The following DCLK2 variants were observed in gnomAD, a reference collection of about 807,000 sequenced individuals.
DCLK2 encodes doublecortin like kinase 2, also known as serine/threonine-protein kinase DCLK2.
Under a neutral mutation model 78.4 loss-of-function variants are expected in DCLK2, and 31 were observed. The ratio of observed to expected loss-of-function variants is 0.40; its 90% CI spans 0.30 to 0.53. DCLK2 has a LOEUF of 0.53. Among genes scored for constraint, DCLK2 ranks in the 20% least tolerant of loss-of-function variants. DCLK2 has a pLI of 0.61. For synonymous variants in DCLK2, 407 were observed against 374.9 expected (o/e 1.09, Z -0.99); for missense variants, 872 against 973.7 (o/e 0.90, Z 1.39).
At chr4:150,098,431 A>G (rs1363019071) in intron 1 of DCLK2, among the ~76,000 whole-genome samples, 5 of 152,246 alleles carry the variant, frequency 3.3e-5, no homozygotes, top group African/African-American at 4.8e-5. Flanking sequence ...AAGTCTAGCT[A>G]TGAGTCAGCC....
intron 5 of DCLK2, among the ~76,000 whole-genome samples, chr4:150,219,047 T>C (rs546219839): frequency 1.1e-4 from 16 of 151,584 alleles, no homozygotes; most frequent in Non-Finnish European, 1.9e-4. Flanking sequence ...CTACGAAAAA[T>C]GCAAAAATTA....
chr4:150,123,889 AAGT>A (rs1349358193), intron 2 of DCLK2, among the ~76,000 whole-genome samples: 2 of 152,012 alleles, frequency 1.3e-5, no homozygotes, highest in Non-Finnish European at 2.9e-5. Context: ...AAAAATTAAA[AAGT>A]AGCCGGGTGT....
chr4:150,220,553 A>C (rs879807438), intron 5 of DCLK2, 150 bp from the exon 6 acceptor site: 1 of 614,548 alleles, frequency 1.6e-6, no homozygotes. Context: ...TGATGTGCAT[A>C]AGGAGAGAGG....
intron 2 of DCLK2, among the ~76,000 whole-genome samples, chr4:150,189,160 A>T (rs1411247703): frequency 2.6e-5 from 4 of 152,054 alleles, no homozygotes; most frequent in Non-Finnish European, 4.4e-5. Context: ...TTATTTCTTC[A>T]TGCTAAATTA....
At chr4:150,130,335 G>T (rs1437703786) in intron 2 of DCLK2, among the ~76,000 whole-genome samples, 1 of 152,076 alleles carries the variant, frequency 6.6e-6, no homozygotes, top group Non-Finnish European at 1.5e-5. Context: ...ACAGAAGTGT[G>T]AGCCAGAAGA....
intron 2 of DCLK2, among the ~76,000 whole-genome samples, chr4:150,110,703 T>C (rs1731623295): frequency 6.6e-6 from 1 of 152,198 alleles, no homozygotes; most frequent in African/African-American, 2.4e-5. Context: ...TTCCCATAGC[T>C]TAGTTCCCAC....
intron 2 of DCLK2, among the ~76,000 whole-genome samples, chr4:150,176,019 G>A (rs1017418365): frequency 5.3e-5 from 8 of 152,222 alleles, no homozygotes; most frequent in Non-Finnish European, 1.0e-4. Flanking sequence ...AGCTATGGCA[G>A]AAGAAGATAG....
chr4:150,168,483 C>T (rs946517774), intron 2 of DCLK2, among the ~76,000 whole-genome samples: 1 of 152,172 alleles, frequency 6.6e-6, no homozygotes, highest in African/African-American at 2.4e-5. Context: ...CACTCCTGCT[C>T]CAAAACTTGC....
At chr4:150,122,446 C>T (rs1406354926) in intron 2 of DCLK2, among the ~76,000 whole-genome samples, 3 of 152,154 alleles carry the variant, frequency 2.0e-5, no homozygotes, top group Non-Finnish European at 2.9e-5. Flanking sequence ...AGTTCATGTC[C>T]TTTGCAAGGA....
At chr4:150,172,177 T>C (rs1368930893) in intron 2 of DCLK2, among the ~76,000 whole-genome samples, 1 of 152,166 alleles carries the variant, frequency 6.6e-6, no homozygotes, top group African/African-American at 2.4e-5. Context: ...CTTAACCTAG[T>C]AGATAATAGG....
intron 10 of DCLK2, among the ~76,000 whole-genome samples, chr4:150,238,314 A>G (rs1008196039): frequency 6.6e-6 from 1 of 152,214 alleles, no homozygotes; most frequent in South Asian, 2.1e-4. Flanking sequence ...ATGGTAATGT[A>G]TCATAGTCAT....
At chr4:150,197,930 C>T (rs1158711544) in intron 3 of DCLK2, 72 bp from the exon 4 acceptor site, 1 of 1,232,598 alleles carries the variant, frequency 8.1e-7, no homozygotes, top group Non-Finnish European at 1.2e-6. Context: ...GGTCAGTAAA[C>T]AATTACATGT....
At chr4:150,221,317 G>GTT (rs764898623) in intron 6 of DCLK2, among the ~76,000 whole-genome samples, 13 of 135,268 alleles carry the variant, frequency 9.6e-5, no homozygotes, top group East Asian at 2.2e-4. Context: ...TCCTTTCTTT[G>GTT]TTTTTTTTTT....
chr4:150,126,715 C>T (rs1165176117), intron 2 of DCLK2, among the ~76,000 whole-genome samples: 1 of 152,178 alleles, frequency 6.6e-6, no homozygotes, highest in Non-Finnish European at 1.5e-5. Context: ...TCCCGTAATG[C>T]TGATATCTTC....
At chr4:150,106,239 CA>C (rs1331736071) in intron 2 of DCLK2, among the ~76,000 whole-genome samples, 1 of 152,136 alleles carries the variant, frequency 6.6e-6, no homozygotes, top group Non-Finnish European at 1.5e-5. Flanking sequence ...CGCTAATCTT[CA>C]AAACTTCAAG....
intron 2 of DCLK2, among the ~76,000 whole-genome samples, chr4:150,120,177 C>T (rs950606405): frequency 3.3e-5 from 5 of 152,026 alleles, no homozygotes; most frequent in African/African-American, 4.8e-5. Flanking sequence ...GATGTATAAC[C>T]GATACAGGAA....
intron 10 of DCLK2, among the ~76,000 whole-genome samples, chr4:150,235,467 C>T (rs960273247): frequency 1.3e-5 from 2 of 152,164 alleles, no homozygotes; most frequent in African/African-American, 4.8e-5. Flanking sequence ...CATTGAGTCT[C>T]ACCTGTCCTA....
chr4:150,157,261 A>G (rs991952044), intron 2 of DCLK2, among the ~76,000 whole-genome samples: 1 of 151,074 alleles, frequency 6.6e-6, no homozygotes, highest in Non-Finnish European at 1.5e-5. Context: ...ATTTTTTAAA[A>G]TTTTACATTT....
chr4:150,146,346 A>G (rs1195175731), intron 2 of DCLK2, among the ~76,000 whole-genome samples: 1 of 152,232 alleles, frequency 6.6e-6, no homozygotes, highest in East Asian at 1.9e-4. Flanking sequence ...CTACAATTTC[A>G]CAAAGTCCTC....
Sources: gnomAD v4.1 joint callset for allele counts (sites outside exome capture counted in the v4.1 genomes callset) on GRCh38, gnomAD v4.1.1 for gene constraint, MANE v1.5 for transcripts, NCBI Gene and HGNC (gene_info 2026-07-23, HGNC 2026-07-21) for gene names.